NSRP1: variants seen among roughly 807,000 people sequenced by gnomAD.
NSRP1 encodes nuclear speckle splicing regulatory protein 1, also known as coiled-coil domain containing 55.
A neutral mutation model predicts 54.7 loss-of-function variants in NSRP1; 24 were observed. That is an observed-to-expected ratio of 0.44 (90% confidence interval 0.32 to 0.62). The LOEUF is 0.62. Among genes scored for constraint, NSRP1 ranks in the 20% least tolerant of loss-of-function variants. NSRP1 has a pLI of 0.06. For synonymous variants in NSRP1, 210 were observed against 213.8 expected (o/e 0.98, Z 0.15); for missense variants, 596 against 651.2 (o/e 0.92, Z 0.92).
chr17:30,127,022 C>T (rs547410484), intron 2 of NSRP1, among the ~76,000 whole-genome samples: 1 of 152,272 alleles, frequency 6.6e-6, no homozygotes, highest in South Asian at 2.1e-4. Flanking sequence ...GTGAAAGCAG[C>T]CATTAGGCAA....
chr17:30,123,750 A>G (rs1024494787), intron 2 of NSRP1, among the ~76,000 whole-genome samples: 1 of 151,568 alleles, frequency 6.6e-6, no homozygotes, highest in Non-Finnish European at 1.5e-5. Context: ...AATAAGAGAG[A>G]GGGGGTTCAA....
At chr17:30,171,817 A>G (rs1348614908) in intron 2 of NSRP1, among the ~76,000 whole-genome samples, 1 of 152,014 alleles carries the variant, frequency 6.6e-6, no homozygotes, top group Non-Finnish European at 1.5e-5. Flanking sequence ...CGAGAGCTTG[A>G]TACACTATAT....
intron 2 of NSRP1, among the ~76,000 whole-genome samples, chr17:30,145,430 A>G (rs566780026): frequency 2.0e-5 from 3 of 152,268 alleles, no homozygotes; most frequent in African/African-American, 7.2e-5. Flanking sequence ...TAAATATACA[A>G]AAATTAGCTG....
intron 2 of NSRP1, among the ~76,000 whole-genome samples, chr17:30,150,904 T>G (rs1324884596): frequency 6.6e-6 from 1 of 151,704 alleles, no homozygotes; most frequent in Admixed American, 6.6e-5. Flanking sequence ...GCCATGCTGG[T>G]CTTGAACTCC....
Position 30,155,080 on chromosome 17 carries a change from GTTAA to G in NSRP1, c.115-17457_115-17454del, listed in dbSNP as rs371709919. On this transcript the variant is annotated intron_variant, in intron 2 of 6. Transcript: ENST00000247026. ...TTTAAAGTTACTCCATCTGGGTAATGTTAATTAAGATTTACTACCTTTTTTTTTC... is the reference window on the plus strand; with the variant it reads ...TTTAAAGTTACTCCATCTGGGTAATGTTAAGATTTACTACCTTTTTTTTTC... Among the ~76,000 whole-genome samples, 23 of 152,154 alleles carry G rather than the reference GTTAA, an allele frequency of 1.5e-4. No individual in the cohort carries two copies. The East Asian group carries it at 4.2e-3, about 28-fold the overall frequency.
intron 2 of NSRP1, 151 bp from the exon 3 acceptor site, chr17:30,172,391 T>C (rs943879672): frequency 2.0e-6 from 1 of 494,544 alleles, no homozygotes; most frequent in Non-Finnish European, 3.5e-6. Flanking sequence ...AGATATCAGA[T>C]CTTCAGATTT....
intron 2 of NSRP1, among the ~76,000 whole-genome samples, chr17:30,139,416 TTTTGGTGTCATA>T (rs986045090): frequency 2.0e-5 from 3 of 152,324 alleles, no homozygotes; most frequent in Middle Eastern, 6.8e-3. Context: ...TTGCCTCTGC[TTTTGGTGTCATA>T]TCTAAGAAAT....
chr17:30,156,339 C>T (rs1225999229), intron 2 of NSRP1, among the ~76,000 whole-genome samples: 1 of 72,414 alleles, frequency 1.4e-5, no homozygotes, highest in African/African-American at 5.5e-5. Context: ...CTCTCCCCTC[C>T]CCCAAGTCCT....
intron 2 of NSRP1, among the ~76,000 whole-genome samples, chr17:30,140,327 A>C (rs921732890): frequency 6.6e-6 from 1 of 152,192 alleles, no homozygotes; most frequent in Non-Finnish European, 1.5e-5. Context: ...AAATATTGAC[A>C]GCTAAACCCA....
chr17:30,178,472 C>T (rs573170481), intron 4 of NSRP1, among the ~76,000 whole-genome samples: 1 of 152,192 alleles, frequency 6.6e-6, no homozygotes, highest in East Asian at 1.9e-4. Flanking sequence ...TCTAATGTAC[C>T]AAATTTGTAC....
chr17:30,178,151 A>G lies in NSRP1; in HGVS notation c.252A>G (p.Lys84=), dbSNP rs1905189300. Residue 84 remains lysine (K), a synonymous_variant, in exon 4 of 7, where the codon AAA becomes AAG. Transcript: ENST00000247026. ...ACAGTATTTATGATGAAATGCAGAA[A>G]AAAAAGGAGGAAAATAATCCCAAAT... ...EYDSIYDEMQ[K]KKEENNPKLL... 2 of 1,610,444 alleles carry G rather than the reference A, an allele frequency of 1.2e-6. No homozygotes were observed. The highest frequency in any genetic ancestry group is 1.7e-6 in the Non-Finnish European group (2 of 1,179,102).
chr17:30,151,300 G>T (rs1400997325), intron 2 of NSRP1, among the ~76,000 whole-genome samples: 2 of 151,932 alleles, frequency 1.3e-5, no homozygotes, highest in Non-Finnish European at 2.9e-5. Flanking sequence ...TGAACGATAG[G>T]GGGGTTAGAG....
intron 2 of NSRP1, among the ~76,000 whole-genome samples, chr17:30,153,378 T>C (rs2071932163): frequency 6.6e-6 from 1 of 152,222 alleles, no homozygotes; most frequent in African/African-American, 2.4e-5. Flanking sequence ...ACACATTTCA[T>C]TGTGTTTCAG....
chr17:30,185,208 C>T lies in NSRP1; in HGVS notation c.1211C>T (p.Pro404Leu), dbSNP rs746591228. The change falls in exon 7 of 7, where the codon CCC becomes CTC. Residue 404 changes from proline (P) to leucine (L), a missense_variant. Pro to Leu is a moderately conservative substitution (Grantham distance 98, BLOSUM62 -3). Transcript: ENST00000247026. ...RDRQQNDQNR[P>L]SEKGEKEEKS... ...AGACAACAAAATGATCAGAACCGAC[C>T]CAGTGAGAAAGGAGAGAAGGAAGAG... 6.4e-7 allele frequency: 1 copy of T among 1,572,972 alleles called. No homozygotes were observed. Among genetic ancestry groups the T allele is most frequent in the Non-Finnish European group, 8.6e-7 (1 of 1,159,258 alleles).
intron 2 of NSRP1, among the ~76,000 whole-genome samples, chr17:30,159,085 A>G (rs1904419394): frequency 6.6e-6 from 1 of 152,158 alleles, no homozygotes; most frequent in African/African-American, 2.4e-5. Flanking sequence ...AATTCTTCCG[A>G]TCCATGAACA....
intron 2 of NSRP1, among the ~76,000 whole-genome samples, chr17:30,166,192 CAA>C (rs1358462053): frequency 6.6e-6 from 1 of 152,146 alleles, no homozygotes; most frequent in Non-Finnish European, 1.5e-5. Context: ...AACAAGCTAG[CAA>C]GAGAGAGAAC....
Position 30,184,613 on chromosome 17 carries a change from A to G in NSRP1, c.618-2A>G. 1 of 1,533,636 alleles carries G rather than the reference A, an allele frequency of 6.5e-7. No individual in the cohort carries two copies. The highest frequency in any genetic ancestry group is 2.3e-5 in the East Asian group (1 of 43,944). On this transcript the variant is annotated splice_acceptor_variant, in intron 6 of 6. Transcript: ENST00000247026. LOFTEE classifies it high-confidence loss of function. ...TGCCCTTTTTTGTTTTTTGTTTCTAAGATCTGGTATAAAGGAAGAAAAATC... is the reference window on the plus strand; with the variant it reads ...TGCCCTTTTTTGTTTTTTGTTTCTAGGATCTGGTATAAAGGAAGAAAAATC...
chr17:30,176,542 G>A (rs899126211), intron 3 of NSRP1, among the ~76,000 whole-genome samples: 34 of 151,646 alleles, frequency 2.2e-4, no homozygotes, highest in African/African-American at 7.8e-4. Context: ...CCCAGGAGGC[G>A]GAGGTTGCAG....
chr17:30,132,335 C>A (rs1249304820), intron 2 of NSRP1, among the ~76,000 whole-genome samples: 1 of 147,388 alleles, frequency 6.8e-6, no homozygotes, highest in Non-Finnish European at 1.5e-5. Flanking sequence ...GGCGAATCAC[C>A]TGAGGTCAGG....
Sources: allele counts gnomAD v4.1 joint callset (sites outside exome capture counted in the v4.1 genomes callset), GRCh38; gene constraint gnomAD v4.1.1; transcripts MANE v1.5; gene names NCBI Gene and HGNC (gene_info 2026-07-23, HGNC 2026-07-21).